ADAMTS12: variants seen among roughly 807,000 people sequenced by gnomAD.
ADAMTS12 encodes A disintegrin and metalloproteinase with thrombospondin motifs 12.
A neutral mutation model predicts 167.8 loss-of-function variants in ADAMTS12; 118 were observed. The observed-to-expected ratio is 0.70, with a 90% confidence interval of 0.61 to 0.82. ADAMTS12 has a LOEUF of 0.82. Among genes scored for constraint, ADAMTS12 ranks in the 40% least tolerant of loss-of-function variants. ADAMTS12 has a pLI of 0.00. For missense variants in ADAMTS12, 1,916 were observed against 1,998.8 expected, an observed-to-expected ratio of 0.96 and a Z score of 0.79; for synonymous variants, 704 against 716.9, an observed-to-expected ratio of 0.98 and a Z score of 0.29.
chr5:33,660,930 G>A (rs1268039800), intron 6 of ADAMTS12, among the ~76,000 whole-genome samples: 2 of 152,158 alleles, frequency 1.3e-5, no homozygotes, highest in African/African-American at 2.4e-5. Flanking sequence ...TGGATAGGGT[G>A]GGGGCTGATT....
At chr5:33,812,708 TA>T (rs1490550447) in intron 2 of ADAMTS12, among the ~76,000 whole-genome samples, 1 of 152,248 alleles carries the variant, frequency 6.6e-6, no homozygotes, top group Non-Finnish European at 1.5e-5. Flanking sequence ...ATGGTTCATA[TA>T]TTTTCCATTG....
chr5:33,671,899 TCCACATACTCACATACACACACAC>T (rs1435350674), intron 5 of ADAMTS12, among the ~76,000 whole-genome samples: 3 of 113,114 alleles, frequency 2.7e-5, no homozygotes, highest in African/African-American at 6.9e-5. Context: ...CCCACACACA[TCCACATACTCACATACACACACAC>T]CCACATACTC....
chr5:33,778,131 T>C (rs1436080987), intron 2 of ADAMTS12, among the ~76,000 whole-genome samples: 1 of 152,088 alleles, frequency 6.6e-6, no homozygotes, highest in Non-Finnish European at 1.5e-5. Flanking sequence ...GTAATCCGTA[T>C]CAAAATTCCA....
At chr5:33,613,161 T>G (rs1402112695) in intron 16 of ADAMTS12, among the ~76,000 whole-genome samples, 1 of 152,190 alleles carries the variant, frequency 6.6e-6, no homozygotes, top group Non-Finnish European at 1.5e-5. Context: ...GGCACATCAC[T>G]CTGCAGCTGT....
intron 13 of ADAMTS12, among the ~76,000 whole-genome samples, chr5:33,627,238 ATGG>A (rs375015881): frequency 0.17 from 22,401 of 128,410 alleles, 1,876 homozygotes; most frequent in Middle Eastern, 0.26. Context: ...TGGTGGAGTG[ATGG>A]TGGTGGTGGT....
intron 3 of ADAMTS12, among the ~76,000 whole-genome samples, chr5:33,725,202 C>T (rs1743940060): frequency 6.6e-6 from 1 of 152,206 alleles, no homozygotes; most frequent in Non-Finnish European, 1.5e-5. Context: ...TGATTTCTTT[C>T]AAAACCACTG....
intron 13 of ADAMTS12, among the ~76,000 whole-genome samples, chr5:33,628,684 A>T (rs1203371230): frequency 1.3e-5 from 2 of 152,188 alleles, no homozygotes; most frequent in Non-Finnish European, 2.9e-5. Flanking sequence ...CTTTGAAAAA[A>T]CTAGTAAATG....
intron 22 of ADAMTS12, among the ~76,000 whole-genome samples, chr5:33,538,258 T>A (rs1041703357): frequency 5.9e-5 from 9 of 151,444 alleles, no homozygotes; most frequent in African/African-American, 2.2e-4. Flanking sequence ...GAGTGGGGAG[T>A]GAAATGGGAA....
At chr5:33,799,512 G>A (rs1746911862) in intron 2 of ADAMTS12, among the ~76,000 whole-genome samples, 1 of 152,094 alleles carries the variant, frequency 6.6e-6, no homozygotes, top group South Asian at 2.1e-4. Context: ...TCATCAGGCA[G>A]CCTTCATTCC....
chr5:33,683,113 A>C lies in ADAMTS12; in HGVS notation c.832-12T>G, dbSNP rs878878674. ...AACAACCCAGTGACCTAGGGTCAGAAATAGAAAACCATTAGCTCCACACGA... is the reference window on the plus strand; with the variant it reads ...AACAACCCAGTGACCTAGGGTCAGACATAGAAAACCATTAGCTCCACACGA... On this transcript the variant is annotated splice_polypyrimidine_tract_variant and intron_variant, in intron 4 of 23. Coordinates refer to ENST00000504830, the MANE Select transcript of ADAMTS12 (RefSeq NM_030955.4). 3 of 1,601,282 alleles carry C rather than the reference A, an allele frequency of 1.9e-6. No homozygotes were observed. Among genetic ancestry groups the C allele is most frequent in the Non-Finnish European group, 2.6e-6 (3 of 1,170,018 alleles).
At chr5:33,785,406 C>T (rs755386982) in intron 2 of ADAMTS12, among the ~76,000 whole-genome samples, 7 of 151,990 alleles carry the variant, frequency 4.6e-5, no homozygotes, top group Non-Finnish European at 8.8e-5. Context: ...AAAATATTTG[C>T]AAACCATGTA....
intron 3 of ADAMTS12, among the ~76,000 whole-genome samples, chr5:33,692,354 C>T (rs1742582268): frequency 6.6e-6 from 1 of 152,106 alleles, no homozygotes. Flanking sequence ...AGAAGATAGA[C>T]AATAGAAGGA....
intron 1 of ADAMTS12, among the ~76,000 whole-genome samples, chr5:33,888,962 G>A (rs1251487879): frequency 1.3e-5 from 2 of 152,250 alleles, no homozygotes; most frequent in East Asian, 1.9e-4. Flanking sequence ...TCCTTCCAAC[G>A]ACTAAAATCC....
intron 2 of ADAMTS12, among the ~76,000 whole-genome samples, chr5:33,758,270 C>A (rs1020925760): frequency 4.6e-5 from 7 of 152,082 alleles, no homozygotes; most frequent in African/African-American, 1.7e-4. Context: ...TTAAAAGCTA[C>A]CCCCTGTCAT....
At chr5:33,813,687 T>C (rs1315501539) in intron 2 of ADAMTS12, among the ~76,000 whole-genome samples, 1 of 152,122 alleles carries the variant, frequency 6.6e-6, no homozygotes, top group African/African-American at 2.4e-5. Context: ...TGGAAAATAA[T>C]TAAGGTCTCA....
chr5:33,677,008 T>C (rs1396697288), intron 5 of ADAMTS12, among the ~76,000 whole-genome samples: 2 of 152,158 alleles, frequency 1.3e-5, no homozygotes, highest in African/African-American at 2.4e-5. Context: ...GCTCCTCCAC[T>C]GGATGGCATA....
At chr5:33,771,494 C>A (rs1177680168) in intron 2 of ADAMTS12, among the ~76,000 whole-genome samples, 1 of 151,984 alleles carries the variant, frequency 6.6e-6, no homozygotes, top group Non-Finnish European at 1.5e-5. Flanking sequence ...GGTTTTTCTT[C>A]TTTTTTATTT....
chr5:33,671,480 G>A (rs1467688694), intron 5 of ADAMTS12, among the ~76,000 whole-genome samples: 1 of 152,120 alleles, frequency 6.6e-6, no homozygotes, highest in South Asian at 2.1e-4. Flanking sequence ...GCATGTGAAT[G>A]TACAATGAAC....
chr5:33,576,071 C>T lies in ADAMTS12; in HGVS notation c.3955G>A (p.Val1319Ile), dbSNP rs767233472. The change falls in exon 19 of 24, where the codon GTC (valine) becomes ATC (isoleucine). Residue 1319 changes from valine (V) to isoleucine (I), a missense_variant. Physicochemically the swap from Val to Ile is conservative, Grantham distance 29. Coordinates refer to ENST00000504830, the MANE Select transcript of ADAMTS12 (RefSeq NM_030955.4). ...TGTCTTACCTCGCTCCAGTTTCCGACGATCCAGTGTGCAGAGCCGTGGCCG... is the reference window on the plus strand; with the variant it reads ...TGTCTTACCTCGCTCCAGTTTCCGATGATCCAGTGTGCAGAGCCGTGGCCG... ...TNGHGSAHWI[V>I]GNWSECSTTC... The T allele has an allele frequency of 2.6e-5, 42 of 1,612,732 alleles. No individual in the cohort carries two copies. Among genetic ancestry groups the T allele is most frequent in the South Asian group, 3.3e-5 (3 of 90,890 alleles).
Sources: allele counts gnomAD v4.1 joint callset (sites outside exome capture counted in the v4.1 genomes callset), GRCh38; gene constraint gnomAD v4.1.1; transcripts MANE v1.5; gene names NCBI Gene and HGNC (gene_info 2026-07-23, HGNC 2026-07-21).